VPS50: variants seen among roughly 807,000 people sequenced by gnomAD.
VPS50 encodes the protein VPS50 subunit of EARP/GARPII complex.
In VPS50, 70 loss-of-function variants were observed where a neutral mutation model predicts 139.7. The observed-to-expected ratio is 0.50, with a 90% CI of 0.41 to 0.61. The LOEUF is 0.61. Among genes scored for constraint, VPS50 ranks in the 20% least tolerant of loss-of-function variants. The pLI, the probability that VPS50 is intolerant of heterozygous loss-of-function variation, is 0.00. For missense variants in VPS50, 921 were observed against 1,133.7 expected (o/e 0.81, Z 2.69); for synonymous variants, 365 against 376.7 (o/e 0.97, Z 0.36).
At chr7:93,310,480 A>G (rs1358994771) in intron 19 of VPS50, among the ~76,000 whole-genome samples, 1 of 150,980 alleles carries the variant, frequency 6.6e-6, no homozygotes, top group African/African-American at 2.4e-5. Flanking sequence ...TTTTTTTCAT[A>G]GTTACAAATT....
At chr7:93,291,193 T>C (rs528606647) in intron 12 of VPS50, among the ~76,000 whole-genome samples, 2 of 152,238 alleles carry the variant, frequency 1.3e-5, no homozygotes, top group African/African-American at 2.4e-5. Context: ...TTAGAAGTTA[T>C]TTTAAAATGT....
In VPS50 at chr7:93,257,478, T is replaced by C. The variant is rs769432515; in HGVS notation, c.422+14T>C. The C allele has an allele frequency of 4.0e-6, 6 of 1,497,852 alleles. No individual in the cohort carries two copies. The highest frequency in any genetic ancestry group is 3.5e-5 in the Admixed American group (2 of 57,182). 92.8% of individuals were successfully genotyped at this position (1,497,852 alleles called of 1,614,324 possible). A position where few individuals can be genotyped will look rare whatever the true frequency, so the allele number is the denominator to read the frequency against. Reference sequence around the variant, plus strand: ...AAATGGGAGAAGGTATTGCTTTTGATGATATTTTGTTCTTTAAGCTGAACA... The same window carrying C: ...AAATGGGAGAAGGTATTGCTTTTGACGATATTTTGTTCTTTAAGCTGAACA... On this transcript the variant is annotated intron_variant, in intron 6 of 27. Coordinates refer to ENST00000305866, the MANE Select transcript of VPS50 (RefSeq NM_017667.4).
intron 14 of VPS50, 108 bp from the exon 15 acceptor site, chr7:93,296,634 G>A: frequency 6.1e-6 from 9 of 1,486,316 alleles, no homozygotes; most frequent in Non-Finnish European, 8.0e-6. Context: ...TAACAAATTA[G>A]GAATATATTC....
chr7:93,275,663 G>A (rs1796132979), intron 11 of VPS50, among the ~76,000 whole-genome samples: 1 of 151,976 alleles, frequency 6.6e-6, no homozygotes, highest in South Asian at 2.1e-4. Context: ...TGCTTTGTGA[G>A]GTATGCCTGT....
chr7:93,275,708 C>T (rs1238614715), intron 11 of VPS50: 1 of 154,406 alleles, frequency 6.5e-6, no homozygotes, highest in South Asian at 2.0e-4. Flanking sequence ...ACAAATGTTA[C>T]AAAGAAATAT....
intron 20 of VPS50, chr7:93,321,084 C>T (rs999946577): frequency 6.6e-6 from 1 of 152,206 alleles, no homozygotes; most frequent in Non-Finnish European, 1.5e-5. Context: ...TATTGTCTGT[C>T]TGTAGCTGCT....
At chr7:93,265,978 A>G (rs1014988753) in intron 9 of VPS50, among the ~76,000 whole-genome samples, 1 of 152,216 alleles carries the variant, frequency 6.6e-6, no homozygotes, top group African/African-American at 2.4e-5. Context: ...TATGGTTTGA[A>G]GGATCACATA....
In VPS50 at chr7:93,360,119, C is replaced by G. The variant is rs983954804; in HGVS notation, c.*1683C>G. ...CTGGGCACATAAAGAGCTAATCAAT[C>G]TTTTAAAATTTGCAGTTGATGAAGA... On this transcript the variant is annotated 3_prime_UTR_variant, in exon 28 of 28. Transcript: ENST00000305866. 4 of 152,058 alleles carry G rather than the reference C, an allele frequency of 2.6e-5. No homozygotes were observed. The highest frequency in any genetic ancestry group is 9.7e-5 in the African/African-American group (4 of 41,424). The allele number at this position is 152,058 out of a possible 1,614,324, so 9.4% of individuals were successfully genotyped here. A position where few individuals can be genotyped will look rare whatever the true frequency, so the allele number is the denominator to read the frequency against.
chr7:93,257,760 C>A, intron 6 of VPS50: 1 of 261,164 alleles, frequency 3.8e-6, no homozygotes, highest in Non-Finnish European at 7.1e-6. Context: ...CAATCTGTTA[C>A]AGGCTGTGAT....
intron 2 of VPS50, among the ~76,000 whole-genome samples, chr7:93,243,465 G>A (rs1024722517): frequency 8.6e-5 from 13 of 151,944 alleles, no homozygotes; most frequent in African/African-American, 3.1e-4. Flanking sequence ...CAAGAATGGA[G>A]CAACAGGAAA....
At chr7:93,343,266 G>C (rs1283761984) in intron 23 of VPS50, among the ~76,000 whole-genome samples, 1 of 152,184 alleles carries the variant, frequency 6.6e-6, no homozygotes, top group African/African-American at 2.4e-5. Context: ...AATGAAGCGA[G>C]AAGGGAAGTT....
chr7:93,266,792 A>G (rs750102953), intron 9 of VPS50, among the ~76,000 whole-genome samples: 5 of 152,216 alleles, frequency 3.3e-5, no homozygotes, highest in Non-Finnish European at 7.4e-5. Flanking sequence ...AATGATGGCT[A>G]AGAGCTTCTT....
chr7:93,264,493 A>T (rs1440612115), intron 9 of VPS50, among the ~76,000 whole-genome samples: 3 of 152,180 alleles, frequency 2.0e-5, no homozygotes, highest in Admixed American at 2.0e-4. Flanking sequence ...TACTTGAGGG[A>T]GCCTGATAGC....
chr7:93,272,507 A>T (rs982594512), intron 10 of VPS50, 128 bp from the exon 11 acceptor site: 10 of 433,174 alleles, frequency 2.3e-5, no homozygotes, highest in South Asian at 1.1e-4. Flanking sequence ...TTGACTTCTA[A>T]ATCTGGTATG....
chr7:93,353,487 A>G (rs1241015535), intron 25 of VPS50, among the ~76,000 whole-genome samples, 153 bp from the exon 26 acceptor site: 1 of 152,236 alleles, frequency 6.6e-6, no homozygotes, highest in Non-Finnish European at 1.5e-5. Flanking sequence ...AGGCCTTCAT[A>G]CTAAGTCCAA....
intron 21 of VPS50, 39 bp from the exon 22 acceptor site, chr7:93,334,078 G>A (rs752079927): frequency 9.2e-7 from 1 of 1,089,596 alleles, no homozygotes; most frequent in South Asian, 1.3e-5. Context: ...TTTGCAAGAT[G>A]ATCTTTAGAA....
chr7:93,240,249 A>ACACACACACACACT (rs1412054767), intron 2 of VPS50, among the ~76,000 whole-genome samples: 1 of 109,314 alleles, frequency 9.1e-6, no homozygotes, highest in Non-Finnish European at 1.9e-5. Context: ...ACACACACAC[A>ACACACACACACACT]CTCTCTCTCT....
intron 2 of VPS50, among the ~76,000 whole-genome samples, chr7:93,245,111 G>C (rs572505200): frequency 1.3e-5 from 2 of 151,800 alleles, no homozygotes; most frequent in Non-Finnish European, 2.9e-5. Context: ...GCACAACAGA[G>C]TTCAGCTAGG....
At chr7:93,353,828 G>A in intron 26 of VPS50, 67 bp downstream of exon 26, 2 of 1,208,838 alleles carry the variant, frequency 1.7e-6, no homozygotes, top group Non-Finnish European at 2.4e-6. Context: ...ATAACATACG[G>A]TATTAATGGT....
Sources: gnomAD v4.1 joint callset for allele counts (sites outside exome capture counted in the v4.1 genomes callset) on GRCh38, gnomAD v4.1.1 for gene constraint, MANE v1.5 for transcripts, NCBI Gene and HGNC (gene_info 2026-07-23, HGNC 2026-07-21) for gene names.